ROBO1: variants seen among roughly 807,000 people sequenced by gnomAD.
The protein encoded by ROBO1 is roundabout homolog 1.
Under a neutral mutation model 195.9 loss-of-function variants are expected in ROBO1, and 149 were observed. The observed-to-expected ratio is 0.76, with a 90% CI of 0.67 to 0.87. The LOEUF is 0.87. Ranked by LOEUF, ROBO1 falls within the 40% of genes least tolerant of loss-of-function variation. The probability of loss-of-function intolerance (pLI) is 0.00; values close to 1 mark genes in which losing one functional copy is unlikely to be tolerated. For synonymous variants in ROBO1, 816 were observed against 733.2 expected (o/e 1.11, Z -1.82); for missense variants, 1,933 against 2,068.3 (o/e 0.93, Z 1.27).
chr3:79,120,149 G>A (rs1174151914), intron 3 of ROBO1, among the ~76,000 whole-genome samples: 1 of 152,058 alleles, frequency 6.6e-6, no homozygotes, highest in Non-Finnish European at 1.5e-5. Context: ...AAAAGTATTT[G>A]TGGACAATAA....
At chr3:79,427,395 T>G (rs544004096) in intron 2 of ROBO1, among the ~76,000 whole-genome samples, 1 of 152,338 alleles carries the variant, frequency 6.6e-6, no homozygotes, top group East Asian at 1.9e-4. Context: ...TTATTTCTAA[T>G]GTCTATTTAA....
intron 2 of ROBO1, among the ~76,000 whole-genome samples, chr3:79,545,259 A>G (rs776601281): frequency 1.3e-5 from 2 of 152,230 alleles, no homozygotes; most frequent in Non-Finnish European, 2.9e-5. Flanking sequence ...GGAGAAAAGT[A>G]TTCATCAAAT....
chr3:79,471,940 TG>T (rs1938301146), intron 2 of ROBO1, among the ~76,000 whole-genome samples: 1 of 108,104 alleles, frequency 9.3e-6, no homozygotes, highest in South Asian at 2.8e-4. Flanking sequence ...TGTTGGGGGT[TG>T]GGGGGCTAGG....
intron 2 of ROBO1, among the ~76,000 whole-genome samples, chr3:79,450,053 G>A (rs770441391): frequency 1.4e-5 from 2 of 142,956 alleles, no homozygotes; most frequent in Admixed American, 7.1e-5. Flanking sequence ...CAAACATTTT[G>A]TTTTTCAAGA....
intron 2 of ROBO1, among the ~76,000 whole-genome samples, chr3:79,392,142 T>C (rs2036976517): frequency 6.6e-6 from 1 of 152,176 alleles, no homozygotes; most frequent in African/African-American, 2.4e-5. Context: ...AGGGATCCTC[T>C]GAGAATGTGT....
rs376131322 is a variant in ROBO1 at position 79,361,023 on chromosome 3, G to A, written c.88+228801C>T. ...TACAGTTAATTCTGATTAAAACTTC[G>A]AGTTAAGAAACTTGATGTACATTCT... On this transcript the variant is annotated intron_variant, in intron 2 of 30. Transcript: ENST00000464233. Among the ~76,000 whole-genome samples the A allele has an allele frequency of 4.6e-5, 7 of 152,062 alleles. No homozygotes were observed. In the East Asian group the frequency reaches 9.7e-4, roughly 21 times the overall value.
intron 4 of ROBO1, among the ~76,000 whole-genome samples, chr3:78,776,927 A>T (rs746306171): frequency 5.9e-5 from 9 of 152,332 alleles, no homozygotes; most frequent in Admixed American, 3.3e-4. Context: ...AGACACACTT[A>T]AAAAGGTGCC....
chr3:79,092,372 A>G (rs187146679), intron 3 of ROBO1, among the ~76,000 whole-genome samples: 3 of 152,252 alleles, frequency 2.0e-5, no homozygotes, highest in Non-Finnish European at 2.9e-5. Context: ...GAAGCCTTAG[A>G]TGTCTAAAAA....
intron 2 of ROBO1, among the ~76,000 whole-genome samples, chr3:79,359,012 T>C (rs920611597): frequency 6.6e-6 from 1 of 152,100 alleles, no homozygotes; most frequent in Admixed American, 6.5e-5. Context: ...TAATGACTGC[T>C]ATTTAAAATG....
At chr3:79,194,879 CAAT>C (rs1445155007) in intron 2 of ROBO1, among the ~76,000 whole-genome samples, 1 of 151,386 alleles carries the variant, frequency 6.6e-6, no homozygotes, top group African/African-American at 2.4e-5. Context: ...TGTTCTGCCT[CAAT>C]AATAAGTGGG....
intron 4 of ROBO1, among the ~76,000 whole-genome samples, chr3:78,779,684 T>C (rs1313387878): frequency 6.6e-6 from 1 of 152,208 alleles, no homozygotes; most frequent in African/African-American, 2.4e-5. Context: ...TCAACCATTG[T>C]GGAAGACTGT....
chr3:79,256,575 A>G (rs965974925), intron 2 of ROBO1, among the ~76,000 whole-genome samples: 11 of 152,180 alleles, frequency 7.2e-5, no homozygotes, highest in African/African-American at 2.4e-4. Context: ...AAAACTAAGA[A>G]AATAATATTA....
chr3:78,789,297 A>T (rs1347681383), intron 4 of ROBO1, among the ~76,000 whole-genome samples: 1 of 152,212 alleles, frequency 6.6e-6, no homozygotes, highest in Admixed American at 6.5e-5. Flanking sequence ...TAGCATTCTC[A>T]TTTCAAAAGC....
In ROBO1 at chr3:78,717,380, A is replaced by C. The variant is rs750053292; in HGVS notation, c.812T>G (p.Leu271Trp). 2.5e-6 allele frequency: 4 copies of C among 1,613,070 alleles called. No homozygotes were observed. Among genetic ancestry groups the C allele is most frequent in the African/African-American group, 2.7e-5 (2 of 74,898 alleles). Reference protein sequence around the residue: ...RPSFVKRPSNLAVTVDDSAEF... With the variant: ...RPSFVKRPSNWAVTVDDSAEF... The stretch of plus-strand genomic sequence containing the variant: ...TGCACTGTCATCCACAGTTACTGCC[A>C]AGTTACTGGGTCTCTTCACAAATGA... The change falls in exon 7 of 31, where the codon TTG becomes TGG. Residue 271 changes from leucine (L) to tryptophan (W), a missense_variant. Leu to Trp is a moderately conservative substitution (Grantham distance 61). Coordinates refer to ENST00000464233, the MANE Select transcript of ROBO1 (RefSeq NM_002941.4).
chr3:78,860,326 A>ATATATATATATATATATATTTTT (rs376853384), intron 4 of ROBO1, among the ~76,000 whole-genome samples: 2 of 93,504 alleles, frequency 2.1e-5, no homozygotes, highest in African/African-American at 9.0e-5. Flanking sequence ...ATATATATAT[A>ATATATATATATATATATATTTTT]TTTTTTTTTT....
intron 4 of ROBO1, among the ~76,000 whole-genome samples, chr3:78,901,656 C>A (rs1408003852): frequency 6.6e-6 from 1 of 152,140 alleles, no homozygotes; most frequent in Non-Finnish European, 1.5e-5. Flanking sequence ...CTCTCCCTAA[C>A]AGGAGCGATT....
intron 2 of ROBO1, among the ~76,000 whole-genome samples, chr3:79,318,402 T>A (rs371794755): frequency 2.6e-5 from 4 of 152,340 alleles, no homozygotes; most frequent in Admixed American, 6.5e-5. Flanking sequence ...TGTCACTTGT[T>A]AAATATTCCC....
intron 8 of ROBO1, among the ~76,000 whole-genome samples, chr3:78,707,175 A>G (rs2081573032): frequency 6.6e-6 from 1 of 152,108 alleles, no homozygotes; most frequent in African/African-American, 2.4e-5. Context: ...ATATTCCAGC[A>G]AAGTTTCTTT....
In ROBO1 at chr3:78,942,927, T is replaced by G. The variant is rs575256282; in HGVS notation, c.173-4000A>C. Among the ~76,000 whole-genome samples, 14 of 151,892 alleles carry G rather than the reference T, an allele frequency of 9.2e-5. No individual in the cohort carries two copies. In the East Asian group the frequency reaches 2.1e-3, roughly 23 times the overall value. ...ACCCCATCTCTAAAAAGTTTATTTTTTTTTTTGCCGGGTGCGGTGGGTCAC... is the reference window on the plus strand; with the variant it reads ...ACCCCATCTCTAAAAAGTTTATTTTGTTTTTTGCCGGGTGCGGTGGGTCAC... On this transcript the variant is annotated intron_variant, in intron 3 of 30. Transcript: ENST00000464233.
Sources: allele counts gnomAD v4.1 joint callset (sites outside exome capture counted in the v4.1 genomes callset), GRCh38; gene constraint gnomAD v4.1.1; transcripts MANE v1.5; gene names NCBI Gene and HGNC (gene_info 2026-07-23, HGNC 2026-07-21).